The following CALN1 variants were observed in gnomAD, a reference collection of about 807,000 sequenced individuals.
CALN1 encodes the protein calneuron 1.
In CALN1, 17 loss-of-function variants were observed where a neutral mutation model predicts 30.6. The ratio of observed to expected loss-of-function variants is 0.56; its 90% CI spans 0.38 to 0.83. The LOEUF is 0.83. Ranked by LOEUF, CALN1 falls within the 40% of genes least tolerant of loss-of-function variation. CALN1 has a pLI of 0.00. For synonymous variants in CALN1, 156 were observed against 131.4 expected, an observed-to-expected ratio of 1.19 and a Z score of -1.28; for missense variants, 291 against 354.9, an observed-to-expected ratio of 0.82 and a Z score of 1.45.
intron 2 of CALN1, among the ~76,000 whole-genome samples, chr7:72,377,542 G>GA (rs953934583): frequency 2.0e-5 from 3 of 151,202 alleles, no homozygotes; most frequent in East Asian, 2.0e-4. Context: ...AATAATTATG[G>GA]AAATTAGATC....
At chr7:72,106,046 A>C in intron 4 of CALN1, 105 bp downstream of exon 4, 1 of 1,428,128 alleles carries the variant, frequency 7.0e-7, no homozygotes, top group Non-Finnish European at 9.4e-7. Flanking sequence ...CTCAAATGTA[A>C]ACCAAGTCTC....
chr7:71,965,908 C>T (rs920032386), intron 5 of CALN1, among the ~76,000 whole-genome samples: 6 of 151,772 alleles, frequency 4.0e-5, no homozygotes, highest in Non-Finnish European at 8.9e-5. Context: ...TAGAAAAGGA[C>T]AGTAGCGGTG....
chr7:72,005,146 T>A (rs1461213713), intron 5 of CALN1, among the ~76,000 whole-genome samples: 2 of 152,054 alleles, frequency 1.3e-5, no homozygotes, highest in Non-Finnish European at 2.9e-5. Flanking sequence ...AGCTCTTTTA[T>A]CCTGGAGAAA....
upstream of CALN1, among the ~76,000 whole-genome samples, chr7:72,413,514 G>T (rs1807310971): frequency 6.7e-6 from 1 of 150,232 alleles, no homozygotes; most frequent in Non-Finnish European, 1.5e-5. Context: ...TCACACATCA[G>T]ATACACTCAT....
chr7:72,458,186 AATATATTATAAT>A, the CALN1 span, among the ~76,000 whole-genome samples: 206 of 77,696 alleles, frequency 2.7e-3, 2 homozygotes, highest in Non-Finnish European at 4.6e-3. Flanking sequence ...TATTATATTT[AATATATTATAAT>A]ATATAATATA....
At chr7:72,383,499 G>A (rs986991590) in intron 2 of CALN1, among the ~76,000 whole-genome samples, 1 of 152,160 alleles carries the variant, frequency 6.6e-6, no homozygotes, top group African/African-American at 2.4e-5. Flanking sequence ...GGTGGTTAGT[G>A]ATGTGGAGCA....
intron 5 of CALN1, among the ~76,000 whole-genome samples, chr7:71,853,048 T>C (rs1378260629): frequency 6.6e-6 from 1 of 152,158 alleles, no homozygotes; most frequent in Non-Finnish European, 1.5e-5. Context: ...GTGGTTCCTG[T>C]TAGAGAGCTG....
intron 3 of CALN1, among the ~76,000 whole-genome samples, chr7:72,221,857 C>T (rs1793328058): frequency 2.0e-5 from 3 of 151,688 alleles, no homozygotes; most frequent in Non-Finnish European, 4.4e-5. Flanking sequence ...CCACTGCACT[C>T]CAGCCTGGGT....
chr7:72,374,514 G>C (rs1271791870), intron 2 of CALN1, among the ~76,000 whole-genome samples: 2 of 128,470 alleles, frequency 1.6e-5, no homozygotes, highest in African/African-American at 5.9e-5. Context: ...CTGGGTGACA[G>C]AGAGACACTC....
At chr7:71,922,528 ATATAT>A (rs1383712082) in intron 5 of CALN1, among the ~76,000 whole-genome samples, 3 of 139,620 alleles carry the variant, frequency 2.1e-5, no homozygotes, top group Non-Finnish European at 3.0e-5. Flanking sequence ...AACACACAGA[ATATAT>A]TATATATAAA....
At chr7:72,247,706 T>C (rs562129500) in intron 3 of CALN1, among the ~76,000 whole-genome samples, 1 of 152,300 alleles carries the variant, frequency 6.6e-6, no homozygotes, top group South Asian at 2.1e-4. Flanking sequence ...ACTATACAAA[T>C]GTGGCCAGGC....
intron 5 of CALN1, among the ~76,000 whole-genome samples, chr7:71,956,697 T>C (rs1047156888): frequency 7.9e-5 from 12 of 151,874 alleles, no homozygotes; most frequent in African/African-American, 2.9e-4. Flanking sequence ...TTTATTTTAT[T>C]ATTTTATTTT....
intron 3 of CALN1, among the ~76,000 whole-genome samples, chr7:72,218,431 G>A (rs1343336723): frequency 4.6e-5 from 7 of 151,994 alleles, no homozygotes; most frequent in Admixed American, 1.3e-4. Flanking sequence ...CTGGGCAACA[G>A]AGCGAGACTC....
intron 4 of CALN1, among the ~76,000 whole-genome samples, chr7:72,060,168 T>C (rs711298): frequency 0.76 from 116,069 of 151,964 alleles, 45,115 homozygotes; most frequent in East Asian, 1. Flanking sequence ...ATACTTCCTG[T>C]CTTTTCATTT....
intron 3 of CALN1, among the ~76,000 whole-genome samples, chr7:72,147,087 G>A (rs965899702): frequency 2.8e-4 from 42 of 152,138 alleles, no homozygotes; most frequent in Non-Finnish European, 7.3e-5. Flanking sequence ...AACACCAAAA[G>A]CAATGGCAAC....
At chr7:72,425,797 T>C (rs1807783263) in intron 1 of CALN1, among the ~76,000 whole-genome samples, 1 of 152,212 alleles carries the variant, frequency 6.6e-6, no homozygotes, top group Non-Finnish European at 1.5e-5. Flanking sequence ...ATTCTTAAGA[T>C]TGCAGATTTG....
intron 6 of CALN1, among the ~76,000 whole-genome samples, chr7:71,805,945 A>G (rs1040050561): frequency 6.6e-6 from 1 of 152,200 alleles, no homozygotes; most frequent in Non-Finnish European, 1.5e-5. Flanking sequence ...AGGGACATAG[A>G]TGGAGCTCGA....
In CALN1 at chr7:72,063,000, G is replaced by C. The variant is rs117611599; in HGVS notation, c.389-39231C>G. Among the ~76,000 whole-genome samples the C allele has an allele frequency of 4.8e-3, 733 of 152,176 alleles. 3 individuals are homozygous for C. Among genetic ancestry groups the C allele is most frequent in the Middle Eastern group, 0.02 (6 of 294 alleles). On this transcript the variant is annotated intron_variant, in intron 4 of 6. Transcript: ENST00000395275. Reference sequence around the variant, plus strand: ...CAGTTTATTTGATAAGGTTAACATTGTCCTGATACCAAAACCAAAGACATT... The same window carrying C: ...CAGTTTATTTGATAAGGTTAACATTCTCCTGATACCAAAACCAAAGACATT...
chr7:72,297,537 A>G (rs1191117375), intron 2 of CALN1, among the ~76,000 whole-genome samples: 2 of 152,234 alleles, frequency 1.3e-5, no homozygotes, highest in South Asian at 2.1e-4. Flanking sequence ...CAAGATAAAG[A>G]AAGTGGATTT....
Sources: allele counts gnomAD v4.1 joint callset (sites outside exome capture counted in the v4.1 genomes callset), GRCh38; gene constraint gnomAD v4.1.1; transcripts MANE v1.5; gene names NCBI Gene and HGNC (gene_info 2026-07-23, HGNC 2026-07-21).